The following DGKD variants were observed in gnomAD, a reference collection of about 807,000 sequenced individuals.
The protein encoded by DGKD is DAG kinase delta.
Under a neutral mutation model 154.4 loss-of-function variants are expected in DGKD, and 68 were observed. The ratio of observed to expected loss-of-function variants is 0.44; its 90% CI spans 0.36 to 0.54. The LOEUF is 0.54. Ranked by LOEUF, DGKD falls within the 20% of genes least tolerant of loss-of-function variation. The probability of loss-of-function intolerance (pLI) is 0.00; values close to 1 mark genes in which losing one functional copy is unlikely to be tolerated. For synonymous variants in DGKD, 693 were observed against 638.0 expected, an observed-to-expected ratio of 1.09 and a Z score of -1.30; for missense variants, 1,343 against 1,593.6, an observed-to-expected ratio of 0.84 and a Z score of 2.68.
At chr2:233,380,245 C>T (rs1702816035) in intron 1 of DGKD, among the ~76,000 whole-genome samples, 2 of 152,144 alleles carry the variant, frequency 1.3e-5, no homozygotes, top group South Asian at 2.1e-4. Context: ...GGTCAGTGAA[C>T]AGTGAGATGA....
In DGKD at chr2:233,457,624, G is replaced by A. The variant is rs1165049368; in HGVS notation, c.2580+296G>A. ...GTGTCTGGGAGGCCAAGACCTGAAG[G>A]ATGAGTTGGAGTTGGCTAAGTTAGG... On this transcript the variant is annotated intron_variant, in intron 21 of 29. Transcript: ENST00000264057. The surrounding 1 kb of genome is among the most constrained non-coding windows in gnomAD (Gnocchi z 5.5). The A allele has an allele frequency of 7.5e-6, 4 of 536,444 alleles. No individual in the cohort carries two copies. The highest frequency in any genetic ancestry group is 1.4e-5 in the Non-Finnish European group (4 of 278,606). 33.2% of individuals were successfully genotyped at this position (536,444 alleles called of 1,614,324 possible).
intron 1 of DGKD, among the ~76,000 whole-genome samples, chr2:233,357,515 ATTTCTT>A (rs1701580569): frequency 1.4e-5 from 2 of 144,264 alleles, no homozygotes; most frequent in African/African-American, 5.2e-5. Context: ...TAGAATGTGC[ATTTCTT>A]TTTCTTTCTT....
chr2:233,398,381 G>A (rs552872968), intron 3 of DGKD, among the ~76,000 whole-genome samples: 2 of 152,044 alleles, frequency 1.3e-5, no homozygotes, highest in South Asian at 2.1e-4. Flanking sequence ...TCCTGACCTC[G>A]TGATCCGCCG....
intron 3 of DGKD, among the ~76,000 whole-genome samples, chr2:233,423,489 T>C (rs1042199415): frequency 1.3e-5 from 2 of 152,182 alleles, no homozygotes; most frequent in Non-Finnish European, 2.9e-5. Flanking sequence ...AGTGTGTTTC[T>C]CTGATGGCTA....
chr2:233,359,053 T>C (rs186960458), intron 1 of DGKD, among the ~76,000 whole-genome samples: 30 of 152,370 alleles, frequency 2.0e-4, no homozygotes, highest in Admixed American at 1.8e-3. Flanking sequence ...GTAACTGTTA[T>C]TATCTCTCTT....
intron 3 of DGKD, among the ~76,000 whole-genome samples, chr2:233,398,865 C>T (rs2061488586): frequency 6.6e-6 from 1 of 152,198 alleles, no homozygotes; most frequent in African/African-American, 2.4e-5. Flanking sequence ...CTCAAGTGAT[C>T]TGCCCGCTTC....
rs78059774 is a variant in DGKD, at chr2:233,357,167, G to A, written c.156+2493G>A. Among the ~76,000 whole-genome samples, 752 of 152,282 alleles carry A rather than the reference G, an allele frequency of 4.9e-3. 10 individuals are homozygous for A. Among genetic ancestry groups the A allele is most frequent in the African/African-American group, 0.017 (709 of 41,544 alleles). On this transcript the variant is annotated intron_variant, in intron 1 of 29. Transcript: ENST00000264057. ...GGTCACAAGGGGTCCATCTGGCAGT[G>A]GCTGGAGCCTTGCAAGGGCACAGCT...
chr2:233,383,434 T>A (rs1380688040), intron 1 of DGKD, among the ~76,000 whole-genome samples: 1 of 152,214 alleles, frequency 6.6e-6, no homozygotes, highest in Non-Finnish European at 1.5e-5. Context: ...GCTTTTCTTT[T>A]ATCTCTTTCT....
intron 1 of DGKD, among the ~76,000 whole-genome samples, chr2:233,375,352 G>A (rs1422297611): frequency 6.6e-6 from 1 of 152,054 alleles, no homozygotes; most frequent in Non-Finnish European, 1.5e-5. Context: ...ATCTCGGCAT[G>A]TGAATAGTAG....
chr2:233,368,659 A>G (rs1165545685), intron 1 of DGKD, among the ~76,000 whole-genome samples: 3 of 152,168 alleles, frequency 2.0e-5, no homozygotes, highest in Admixed American at 6.5e-5. Flanking sequence ...CAGTAGAGGC[A>G]AATGTTTCTC....
At chr2:233,448,804 CAATCAGAGGCT>C (rs1477991990) in intron 14 of DGKD, among the ~76,000 whole-genome samples, 1 of 152,132 alleles carries the variant, frequency 6.6e-6, no homozygotes, top group Non-Finnish European at 1.5e-5. Context: ...AAAAAGCAAC[CAATCAGAGGCT>C]AAGGTGAAGT....
At chr2:233,464,862 T>C (rs1329408186) in intron 27 of DGKD, among the ~76,000 whole-genome samples, 2 of 152,230 alleles carry the variant, frequency 1.3e-5, no homozygotes, top group Non-Finnish European at 2.9e-5. Flanking sequence ...GCCTGTCTCT[T>C]GGCTTCCCTG....
intron 3 of DGKD, among the ~76,000 whole-genome samples, chr2:233,420,761 C>G (rs1214489318): frequency 1.3e-4 from 20 of 152,316 alleles, no homozygotes; most frequent in Non-Finnish European, 1.2e-4. Context: ...CGCAGAGCTC[C>G]TGACAGGCGC....
At chr2:233,361,630 A>T (rs1278597704) in intron 1 of DGKD, among the ~76,000 whole-genome samples, 1 of 152,174 alleles carries the variant, frequency 6.6e-6, no homozygotes, top group South Asian at 2.1e-4. Flanking sequence ...AGAGAACTAG[A>T]AACTATGGAA....
intron 19 of DGKD, among the ~76,000 whole-genome samples, chr2:233,455,850 A>G (rs1457563607): frequency 2.0e-5 from 3 of 152,214 alleles, no homozygotes; most frequent in African/African-American, 7.2e-5. Flanking sequence ...TCAGAACTGA[A>G]AGAACTTTTG....
chr2:233,437,657 C>T (rs1397022497), intron 8 of DGKD, among the ~76,000 whole-genome samples, 178 bp downstream of exon 8: 5 of 152,230 alleles, frequency 3.3e-5, no homozygotes, highest in Admixed American at 6.5e-5. Flanking sequence ...CCTGATGCTG[C>T]GGCATTGCCC....
chr2:233,403,644 G>T (rs1286361610), intron 3 of DGKD, among the ~76,000 whole-genome samples: 1 of 151,584 alleles, frequency 6.6e-6, no homozygotes, highest in African/African-American at 2.4e-5. Context: ...TTTCTCTTCA[G>T]ACTTTTTTTT....
In DGKD at chr2:233,469,720, CAT is replaced by C. The variant is rs763261880; in HGVS notation, c.*261_*262del. 1.4e-5 allele frequency: 7 copies of C among 485,730 alleles called. No homozygotes were observed. Among genetic ancestry groups the C allele is most frequent in the South Asian group, 2.6e-5 (1 of 38,266 alleles). 30.1% of individuals were successfully genotyped at this position (485,730 alleles called of 1,614,324 possible). A position where few individuals can be genotyped will look rare whatever the true frequency, so the allele number is the denominator to read the frequency against. ...CTCCAGCTCAGAGTCACCTGGGGCA[CAT>C]GTGTCACGGCCACTCAGCTCTCGCC... On this transcript the variant is annotated 3_prime_UTR_variant, in exon 30 of 30. Transcript: ENST00000264057.
At position 233,471,621 on chromosome 2, in the gene DGKD, C is replaced by T. The variant is rs934977705; in HGVS notation, c.*2161C>T. On this transcript the variant is annotated 3_prime_UTR_variant, in exon 30 of 30. Transcript: ENST00000264057. ...ACCCCAAGTCCTCAGTGTCCTACTC[C>T]TGGCAAGGAGTTGGGTTTGGATCAA... 1 of 152,404 alleles carries T rather than the reference C, an allele frequency of 6.6e-6. No homozygotes were observed. Among genetic ancestry groups the T allele is most frequent in the Non-Finnish European group, 1.5e-5 (1 of 68,046 alleles). The allele number at this position is 152,404 out of a possible 1,614,324, so 9.4% of individuals were successfully genotyped here. A position where few individuals can be genotyped will look rare whatever the true frequency, so the allele number is the denominator to read the frequency against.
Sources: allele counts gnomAD v4.1 joint callset (sites outside exome capture counted in the v4.1 genomes callset), GRCh38; gene constraint gnomAD v4.1.1; non-coding constraint Gnocchi (gnomAD v3.1); transcripts MANE v1.5; gene names NCBI Gene and HGNC (gene_info 2026-07-23, HGNC 2026-07-21).